The following POU2F1 variants were observed in gnomAD, a reference collection of about 807,000 sequenced individuals.
POU2F1 encodes POU class 2 homeobox 1.
Under a neutral mutation model 84.9 loss-of-function variants are expected in POU2F1, and 16 were observed. The ratio of observed to expected loss-of-function variants is 0.19; its 90% CI spans 0.13 to 0.29. POU2F1 has a LOEUF of 0.29. Ranked by LOEUF, POU2F1 falls within the 10% of genes least tolerant of loss-of-function variation. POU2F1 has a pLI of 1.00. For missense variants in POU2F1, 738 were observed against 942.6 expected (o/e 0.78, Z 2.84); for synonymous variants, 368 against 368.3 (o/e 1.00, Z 0.01).
intron 1 of POU2F1, among the ~76,000 whole-genome samples, chr1:167,250,101 T>C (rs1650610901): frequency 6.6e-6 from 1 of 152,172 alleles, no homozygotes; most frequent in Non-Finnish European, 1.5e-5. Flanking sequence ...TTTCAGTATA[T>C]TTTCTAACAT....
chr1:167,297,063 A>G (rs1654331613), intron 1 of POU2F1, among the ~76,000 whole-genome samples: 1 of 152,224 alleles, frequency 6.6e-6, no homozygotes, highest in African/African-American at 2.4e-5. Flanking sequence ...ACCATAATTT[A>G]ATATTGATTT....
intron 1 of POU2F1, among the ~76,000 whole-genome samples, chr1:167,301,676 T>C (rs1654710503): frequency 6.6e-6 from 1 of 152,198 alleles, no homozygotes; most frequent in Non-Finnish European, 1.5e-5. Context: ...TGTTAGTTTG[T>C]AACCATCATA....
chr1:167,398,191 G>C, intron 11 of POU2F1, 58 bp downstream of exon 11: 1 of 1,552,032 alleles, frequency 6.4e-7, no homozygotes, highest in Non-Finnish European at 8.7e-7. Flanking sequence ...CTTAACATTA[G>C]TACTTAGTAG....
At chr1:167,314,332 A>G (rs1224958073) in intron 1 of POU2F1, among the ~76,000 whole-genome samples, 3 of 152,236 alleles carry the variant, frequency 2.0e-5, no homozygotes, top group African/African-American at 7.2e-5. Flanking sequence ...TAAGATCACC[A>G]TGAGCTATCA....
rs543871684 is a variant in POU2F1 at position 167,426,384 on chromosome 1, A to G, written c.*10574A>G. ...TGGGTGTGTCTATGTATGTATTAACATAACAGTTTTCACTGCCTAGGTGTT... is the reference window on the plus strand; with the variant it reads ...TGGGTGTGTCTATGTATGTATTAACGTAACAGTTTTCACTGCCTAGGTGTT... On this transcript the variant is annotated 3_prime_UTR_variant, in exon 16 of 16. Transcript: ENST00000367866. 3 of 152,246 alleles carry G rather than the reference A, an allele frequency of 2.0e-5. No individual in the cohort carries two copies. The highest frequency in any genetic ancestry group is 2.9e-5 in the Non-Finnish European group (2 of 68,042). 9.4% of individuals were successfully genotyped at this position (152,246 alleles called of 1,614,324 possible).
At chr1:167,336,032 A>G (rs563942610) in intron 2 of POU2F1, among the ~76,000 whole-genome samples, 1 of 152,278 alleles carries the variant, frequency 6.6e-6, no homozygotes, top group East Asian at 1.9e-4. Context: ...AAAAAAATTA[A>G]AAGATATGTA....
chr1:167,258,924 T>G (rs935965716), intron 1 of POU2F1, among the ~76,000 whole-genome samples: 1 of 152,220 alleles, frequency 6.6e-6, no homozygotes, highest in Non-Finnish European at 1.5e-5. Flanking sequence ...AAAACTATTC[T>G]TGGCTTGTGG....
intron 1 of POU2F1, among the ~76,000 whole-genome samples, chr1:167,231,824 A>G (rs570253929): frequency 2.6e-5 from 4 of 152,360 alleles, no homozygotes; most frequent in African/African-American, 7.2e-5. Flanking sequence ...CATGTTTACA[A>G]TGAGATGTGA....
At chr1:167,223,080 C>G (rs1054906028) in intron 1 of POU2F1, among the ~76,000 whole-genome samples, 2 of 152,082 alleles carry the variant, frequency 1.3e-5, no homozygotes, top group Admixed American at 1.3e-4. Flanking sequence ...TAAAATGGAG[C>G]TGACGTTAAT....
At chr1:167,267,394 G>A (rs1247995477) in intron 1 of POU2F1, among the ~76,000 whole-genome samples, 2 of 150,380 alleles carry the variant, frequency 1.3e-5, no homozygotes, top group African/African-American at 2.4e-5. Flanking sequence ...TTACAATCAG[G>A]AAAAAAAAAC....
chr1:167,322,274 GCT>G (rs1227109912), intron 1 of POU2F1, among the ~76,000 whole-genome samples: 5 of 152,178 alleles, frequency 3.3e-5, no homozygotes, highest in Non-Finnish European at 7.3e-5. Context: ...ACAATCAGGA[GCT>G]ATGCTATATG....
At chr1:167,221,952 CG>C (rs1648241034) in intron 1 of POU2F1, among the ~76,000 whole-genome samples, 2 of 152,074 alleles carry the variant, frequency 1.3e-5, no homozygotes, top group South Asian at 4.1e-4. Flanking sequence ...CGGGGCTTCG[CG>C]GGCGAGTTGG....
At chr1:167,291,401 A>G (rs1294951045) in intron 1 of POU2F1, among the ~76,000 whole-genome samples, 3 of 152,184 alleles carry the variant, frequency 2.0e-5, no homozygotes, top group African/African-American at 7.2e-5. Context: ...TATTTTTGTG[A>G]AGTGATAAGG....
At chr1:167,237,759 TA>T in intron 1 of POU2F1, among the ~76,000 whole-genome samples, 2 of 18,386 alleles carry the variant, frequency 1.1e-4, no homozygotes, top group African/African-American at 1.9e-4. Context: ...TATATATATA[TA>T]TATATATATA....
chr1:167,247,541 G>A (rs776927661), intron 1 of POU2F1, among the ~76,000 whole-genome samples: 8 of 151,984 alleles, frequency 5.3e-5, no homozygotes, highest in Non-Finnish European at 1.0e-4. Flanking sequence ...CCCCACTTGA[G>A]TTTCAGTTTT....
In POU2F1 at chr1:167,403,312, G is replaced by A. The variant is rs1444769810; in HGVS notation, c.1555+1756G>A. Among the ~76,000 whole-genome samples, 5 of 152,258 alleles carry A rather than the reference G, an allele frequency of 3.3e-5. No homozygotes were observed. In the South Asian group the frequency reaches 6.2e-4, roughly 19 times the overall value. The stretch of plus-strand genomic sequence containing the variant: ...TATTTGTGCAGTACAGTATTTGATT[G>A]CAGCCTTGTGATACTCTAAGCAGAG... On this transcript the variant is annotated intron_variant, in intron 13 of 15. Coordinates refer to ENST00000367866, the MANE Select transcript of POU2F1 (RefSeq NM_002697.4).
At chr1:167,335,762 A>G (rs1307950704) in intron 2 of POU2F1, among the ~76,000 whole-genome samples, 1 of 152,138 alleles carries the variant, frequency 6.6e-6, no homozygotes, top group Non-Finnish European at 1.5e-5. Context: ...TTATGTCGTA[A>G]TTTTTAAAAT....
At chr1:167,246,998 T>G (rs1024012553) in intron 1 of POU2F1, among the ~76,000 whole-genome samples, 2 of 151,954 alleles carry the variant, frequency 1.3e-5, no homozygotes, top group Non-Finnish European at 2.9e-5. Context: ...TAGAGTTTAA[T>G]GCTAAATGTA....
At position 167,222,504 on chromosome 1, in the gene POU2F1, C is replaced by G. The variant is rs1648308464; in HGVS notation, c.61+1546C>G. On this transcript the variant is annotated intron_variant, in intron 1 of 15. Coordinates refer to ENST00000367866, the MANE Select transcript of POU2F1 (RefSeq NM_002697.4). ...ATGATTTTTTTTTTCCTTGGCAATC[C>G]GCAGGGCTCTGAGATCAAACCCAGG... Among the ~76,000 whole-genome samples the G allele has an allele frequency of 1.3e-5, 2 of 151,980 alleles. 1 individual carries two copies. Among genetic ancestry groups the G allele is most frequent in the South Asian group, 4.1e-4 (2 of 4,824 alleles).
Sources: gnomAD v4.1 joint callset for allele counts (sites outside exome capture counted in the v4.1 genomes callset) on GRCh38, gnomAD v4.1.1 for gene constraint, MANE v1.5 for transcripts, NCBI Gene and HGNC (gene_info 2026-07-23, HGNC 2026-07-21) for gene names.